Variants in ABTB3 observed in about 807,000 individuals in gnomAD.
ABTB3 encodes the protein ankyrin repeat and BTB domain containing 3, also known as ankyrin repeat- and BTB/POZ domain-containing protein 3.
chr12:107,651,808 G>A, the ABTB3 span: 451 of 1,597,388 alleles, frequency 2.8e-4, 1 homozygote, highest in African/African-American at 4.8e-3. Flanking sequence ...TCATTCTCGC[G>A]CAGTGCGCAC....
the ABTB3 span, among the ~76,000 whole-genome samples, chr12:107,448,179 G>C: frequency 1.4e-4 from 22 of 152,250 alleles, no homozygotes; most frequent in East Asian, 4.3e-3. Context: ...CCCAAACCAG[G>C]CTCCATCATT....
At chr12:107,508,066 AGATGGATGGATGGATGGATG>A in the ABTB3 span, among the ~76,000 whole-genome samples, 251 of 146,946 alleles carry the variant, frequency 1.7e-3, 7 homozygotes, top group East Asian at 0.042. Flanking sequence ...AAGGGTAGAA[AGATGGATGGATGGATGGATG>A]GATGGATGGA....
chr12:107,488,041 T>C, the ABTB3 span, among the ~76,000 whole-genome samples: 1 of 151,018 alleles, frequency 6.6e-6, no homozygotes, highest in African/African-American at 2.4e-5. Flanking sequence ...GGTGCACAGG[T>C]GGGAGGGTGG....
the ABTB3 span, among the ~76,000 whole-genome samples, chr12:107,523,263 C>T: frequency 6.6e-6 from 1 of 152,180 alleles, no homozygotes; most frequent in African/African-American, 2.4e-5. Flanking sequence ...GCGCTTATGG[C>T]CACTAGAGAG....
the ABTB3 span, among the ~76,000 whole-genome samples, chr12:107,569,988 C>G: frequency 6.6e-6 from 1 of 152,166 alleles, no homozygotes; most frequent in African/African-American, 2.4e-5. Flanking sequence ...GGGCCTCTTC[C>G]CTTTGGGGCC....
the ABTB3 span, among the ~76,000 whole-genome samples, chr12:107,651,273 G>A: frequency 2.3e-4 from 35 of 152,178 alleles, no homozygotes; most frequent in African/African-American, 8.0e-4. Context: ...AGGACAGATG[G>A]GATAGAGGGA....
the ABTB3 span, among the ~76,000 whole-genome samples, chr12:107,345,631 C>T: frequency 2.4e-4 from 37 of 152,186 alleles, no homozygotes; most frequent in African/African-American, 8.7e-4. Flanking sequence ...AGATCAGCTG[C>T]TCCCAGACCA....
At chr12:107,407,352 T>G in the ABTB3 span, among the ~76,000 whole-genome samples, 1 of 152,236 alleles carries the variant, frequency 6.6e-6, no homozygotes, top group Non-Finnish European at 1.5e-5. Context: ...TATTTATAAT[T>G]GCTTACATAT....
the ABTB3 span, among the ~76,000 whole-genome samples, chr12:107,422,112 AAGGAGGGGTCTCG>A: frequency 2.6e-5 from 4 of 152,202 alleles, no homozygotes; most frequent in Middle Eastern, 3.2e-3. Flanking sequence ...TGGGATAGTC[AAGGAGGGGTCTCG>A]AGGAGGTAAA....
At chr12:107,625,781 C>G in the ABTB3 span, among the ~76,000 whole-genome samples, 1 of 152,182 alleles carries the variant, frequency 6.6e-6, no homozygotes, top group South Asian at 2.1e-4. Flanking sequence ...GGGCAATACT[C>G]TTTACTGGCT....
At chr12:107,444,482 C>G in the ABTB3 span, among the ~76,000 whole-genome samples, 3 of 152,030 alleles carry the variant, frequency 2.0e-5, no homozygotes, top group African/African-American at 7.3e-5. Flanking sequence ...GAAAAAAGAT[C>G]GTCAAATTTA....
At chr12:107,562,525 A>G in the ABTB3 span, among the ~76,000 whole-genome samples, 2 of 142,310 alleles carry the variant, frequency 1.4e-5, no homozygotes, top group East Asian at 3.9e-4. Context: ...GGAATAGAGT[A>G]AGTGAGTGGG....
At chr12:107,617,008 C>A in the ABTB3 span, 1 of 1,398,558 alleles carries the variant, frequency 7.2e-7, no homozygotes, top group Non-Finnish European at 1.0e-6. Context: ...GCTGGCATCT[C>A]ACCCATCCCA....
chr12:107,376,168 C>T, the ABTB3 span, among the ~76,000 whole-genome samples: 2 of 152,142 alleles, frequency 1.3e-5, no homozygotes, highest in African/African-American at 4.8e-5. Context: ...CCCTCACCAC[C>T]CTGCGCTCCA....
At chr12:107,497,300 C>G in the ABTB3 span, among the ~76,000 whole-genome samples, 1 of 150,890 alleles carries the variant, frequency 6.6e-6, no homozygotes, top group Non-Finnish European at 1.5e-5. Flanking sequence ...ACCACCATCA[C>G]TATCACCACC....
At chr12:107,496,177 C>T in the ABTB3 span, among the ~76,000 whole-genome samples, 8 of 152,154 alleles carry the variant, frequency 5.3e-5, no homozygotes, top group South Asian at 6.2e-4. Flanking sequence ...ATGAATGCAG[C>T]GGTCAAGGTT....
the ABTB3 span, chr12:107,649,744 CT>C: frequency 1.8e-5 from 3 of 163,482 alleles, no homozygotes; most frequent in African/African-American, 7.2e-5. Flanking sequence ...GATATAGAAG[CT>C]GAGGGCAGAT....
chr12:107,469,880 T>TTCTTTC, the ABTB3 span, among the ~76,000 whole-genome samples: 1 of 96,220 alleles, frequency 1.0e-5, no homozygotes, highest in African/African-American at 5.6e-5. Context: ...CTTTCTTTCT[T>TTCTTTC]TCTTTCTTTC....
At chr12:107,520,123 T>G in the ABTB3 span, 1 of 665,622 alleles carries the variant, frequency 1.5e-6, no homozygotes, top group Non-Finnish European at 1.9e-6. Context: ...ACAGCTGCCT[T>G]TGTGGGGAGA....
Sources: gnomAD v4.1 joint callset for allele counts (sites outside exome capture counted in the v4.1 genomes callset) on GRCh38, gnomAD v4.1.1 for gene constraint, MANE v1.5 for transcripts, NCBI Gene and HGNC (gene_info 2026-07-23, HGNC 2026-07-21) for gene names.